Variants in DSTN observed in about 807,000 individuals in gnomAD.
DSTN encodes the protein destrin, actin depolymerizing factor.
Under a neutral mutation model 16.8 loss-of-function variants are expected in DSTN, and 10 were observed. The ratio of observed to expected loss-of-function variants is 0.60; its 90% CI spans 0.37 to 1.01. The LOEUF is 1.01. DSTN is among the 50% of genes least tolerant of loss of function. The probability of loss-of-function intolerance (pLI) is 0.01; values close to 1 mark genes in which losing one functional copy is unlikely to be tolerated. For synonymous variants in DSTN, 57 were observed against 58.9 expected (o/e 0.97, Z 0.14); for missense variants, 141 against 196.7 (o/e 0.72, Z 1.69).
At chr20:17,584,285 A>G (rs1220375303) in intron 1 of DSTN, among the ~76,000 whole-genome samples, 1 of 152,164 alleles carries the variant, frequency 6.6e-6, no homozygotes, top group African/African-American at 2.4e-5. Context: ...TAAATCTTGC[A>G]TTTCTTCAAA....
intron 1 of DSTN, among the ~76,000 whole-genome samples, chr20:17,587,505 G>A (rs1407201457): frequency 6.6e-6 from 1 of 152,010 alleles, no homozygotes; most frequent in Non-Finnish European, 1.5e-5. Context: ...TTAACACTCG[G>A]AATAGGTACT....
chr20:17,607,198 CTA>C lies in DSTN; in HGVS notation c.*57_*58del. ...TTCCATGTTTAATGTTATCCTCTTG[CTA>C]TATAAATAAAGCAAATATATTTAGG... On this transcript the variant is annotated 3_prime_UTR_variant, in exon 4 of 4. Coordinates refer to ENST00000246069, the MANE Select transcript of DSTN (RefSeq NM_006870.4). 1 of 1,549,010 alleles carries C rather than the reference CTA, an allele frequency of 6.5e-7. No individual in the cohort carries two copies. The highest frequency in any genetic ancestry group is 1.4e-5 in the African/African-American group (1 of 72,918).
At chr20:17,599,563 A>C (rs911393190) in intron 1 of DSTN, 1 of 152,298 alleles carries the variant, frequency 6.6e-6, no homozygotes. Flanking sequence ...ATGGAAAAAC[A>C]AATGACAGAG....
At chr20:17,591,691 C>T (rs2035471209) in intron 1 of DSTN, among the ~76,000 whole-genome samples, 1 of 152,136 alleles carries the variant, frequency 6.6e-6, no homozygotes, top group Non-Finnish European at 1.5e-5. Context: ...GATTCCTGTG[C>T]ACATTAGAGT....
At chr20:17,605,537 T>G (rs544909943) in intron 3 of DSTN, among the ~76,000 whole-genome samples, 3 of 152,220 alleles carry the variant, frequency 2.0e-5, no homozygotes, top group African/African-American at 7.2e-5. Flanking sequence ...CTAGCCTGTT[T>G]TACTTAGTTC....
At chr20:17,604,044 A>G (rs1245154182) in intron 2 of DSTN, among the ~76,000 whole-genome samples, 1 of 152,172 alleles carries the variant, frequency 6.6e-6, no homozygotes, top group Non-Finnish European at 1.5e-5. Flanking sequence ...TTAGAAAACA[A>G]TCTGAAGCAA....
At chr20:17,588,701 G>A (rs897060662) in intron 1 of DSTN, among the ~76,000 whole-genome samples, 5 of 152,174 alleles carry the variant, frequency 3.3e-5, no homozygotes, top group African/African-American at 1.2e-4. Flanking sequence ...GGAGAATGGC[G>A]TGAACCCAGG....
chr20:17,591,913 C>T (rs2035473204), intron 1 of DSTN: 1 of 985,402 alleles, frequency 1.0e-6, no homozygotes, highest in Non-Finnish European at 1.2e-6. Flanking sequence ...TTCTTTCCAT[C>T]TGCTAATCTT....
intron 1 of DSTN, among the ~76,000 whole-genome samples, chr20:17,587,974 C>A (rs2035429639): frequency 6.6e-6 from 1 of 152,172 alleles, no homozygotes; most frequent in Admixed American, 6.5e-5. Flanking sequence ...ACATCTTCAC[C>A]TTATGTAAAA....
chr20:17,570,318 G>A (rs1600694442), intron 1 of DSTN, 107 bp downstream of exon 1: 1 of 1,335,764 alleles, frequency 7.5e-7, no homozygotes, highest in East Asian at 3.1e-5. Context: ...TCAGCCCGGG[G>A]AGGGACCCGG....
At chr20:17,596,512 T>C in intron 1 of DSTN, 1 of 518,370 alleles carries the variant, frequency 1.9e-6, no homozygotes, top group East Asian at 1.5e-4. Flanking sequence ...GATACCACTC[T>C]TTTGTGTCTC....
intron 1 of DSTN, among the ~76,000 whole-genome samples, chr20:17,578,961 CAAAAAAAAAAA>C (rs59600009): frequency 1.2e-5 from 1 of 81,412 alleles, no homozygotes; most frequent in East Asian, 3.3e-4. Flanking sequence ...AATTCCATCT[CAAAAAAAAAAA>C]AAAAAAAAAG....
At chr20:17,579,801 A>C (rs2035323149) in intron 1 of DSTN, among the ~76,000 whole-genome samples, 1 of 152,240 alleles carries the variant, frequency 6.6e-6, no homozygotes, top group South Asian at 2.1e-4. Flanking sequence ...AGCTCTAGGA[A>C]GACCTGCCTG....
intron 2 of DSTN, 144 bp downstream of exon 2, chr20:17,601,189 C>G: frequency 9.4e-7 from 1 of 1,059,892 alleles, no homozygotes; most frequent in Non-Finnish European, 1.3e-6. Context: ...CATAATGTTA[C>G]CAGGGCTGAT....
chr20:17,570,080 G>A lies in DSTN; in HGVS notation c.-129G>A. ...TTCCGTCCTGAGGCGCGCCCGCCCC[G>A]GGGTAAGCTCGCGCCGCCGCGTCAG... On this transcript the variant is annotated 5_prime_UTR_variant, in exon 1 of 4. Transcript: ENST00000246069. 3 of 1,397,494 alleles carry A rather than the reference G, an allele frequency of 2.1e-6. No individual in the cohort carries two copies. The highest frequency in any genetic ancestry group is 1.9e-6 in the Non-Finnish European group (2 of 1,057,718). 86.6% of individuals were successfully genotyped at this position (1,397,494 alleles called of 1,614,324 possible). A position where few individuals can be genotyped will look rare whatever the true frequency, so the allele number is the denominator to read the frequency against.
chr20:17,577,086 A>C (rs1012881022), intron 1 of DSTN, among the ~76,000 whole-genome samples: 1 of 152,202 alleles, frequency 6.6e-6, no homozygotes, highest in Non-Finnish European at 1.5e-5. Flanking sequence ...TTTTCAGGCT[A>C]TGGGTATAAA....
chr20:17,585,046 G>A (rs917503473), intron 1 of DSTN, among the ~76,000 whole-genome samples: 13 of 152,076 alleles, frequency 8.5e-5, no homozygotes, highest in African/African-American at 2.9e-4. Context: ...TGGGTTAAAG[G>A]GTCAATGGGT....
intron 1 of DSTN, among the ~76,000 whole-genome samples, chr20:17,575,129 G>A (rs1329897246): frequency 6.6e-6 from 1 of 152,090 alleles, no homozygotes; most frequent in African/African-American, 2.4e-5. Flanking sequence ...ACAGGCATGA[G>A]CCATTGTGCC....
chr20:17,604,146 A>G (rs2035616042), intron 2 of DSTN, among the ~76,000 whole-genome samples: 1 of 152,210 alleles, frequency 6.6e-6, no homozygotes, highest in African/African-American at 2.4e-5. Flanking sequence ...TTTTCCAACT[A>G]GAAAAACTGT....
Sources: gnomAD v4.1 joint callset for allele counts (sites outside exome capture counted in the v4.1 genomes callset) on GRCh38, gnomAD v4.1.1 for gene constraint, MANE v1.5 for transcripts, NCBI Gene and HGNC (gene_info 2026-07-23, HGNC 2026-07-21) for gene names.